Variants in ATAD2 observed in about 807,000 individuals in gnomAD.
ATAD2 encodes ATPase family AAA domain-containing protein 2.
In ATAD2, 62 loss-of-function variants were observed where a neutral mutation model predicts 168.9. The ratio of observed to expected loss-of-function variants is 0.37; its 90% confidence interval spans 0.30 to 0.45. The LOEUF (loss-of-function observed/expected upper bound fraction) is 0.45, where lower values mean the gene tolerates loss of function less well. Among genes scored for constraint, ATAD2 ranks in the 20% least tolerant of loss-of-function variants. The probability of loss-of-function intolerance (pLI) is 1.00; values close to 1 mark genes in which losing one functional copy is unlikely to be tolerated. For missense variants in ATAD2, 1,419 were observed against 1,667.8 expected (o/e 0.85, Z 2.60); for synonymous variants, 613 against 571.6 (o/e 1.07, Z -1.03).
chr8:123,328,649 C>T, intron 24 of ATAD2, 70 bp from the exon 25 acceptor site: 2 of 1,407,152 alleles, frequency 1.4e-6, no homozygotes, highest in Middle Eastern at 3.8e-4. Flanking sequence ...GAGTGAAAAA[C>T]CCTGATATAT....
chr8:123,389,960 T>TTATGTA (rs1554647644), intron 1 of ATAD2, among the ~76,000 whole-genome samples: 2 of 94,060 alleles, frequency 2.1e-5, no homozygotes, highest in Admixed American at 1.4e-4. Flanking sequence ...TACTATTATT[T>TTATGTA]TATATATATA....
rs1418323246 is a variant in ATAD2, at chr8:123,360,866, C to T, written c.1157+673G>A. Among the ~76,000 whole-genome samples, 3 of 149,118 alleles carry T rather than the reference C, an allele frequency of 2.0e-5. No homozygotes were observed. The East Asian group carries it at 5.9e-4, about 29-fold the overall frequency. ...GGTTAGTATACATGGACTTACACTA[C>T]AAGGAGTTATAAAATGAGTAAAGCC... On this transcript the variant is annotated intron_variant, in intron 9 of 27. Coordinates refer to ENST00000287394, the MANE Select transcript of ATAD2 (RefSeq NM_014109.4).
intron 8 of ATAD2, among the ~76,000 whole-genome samples, chr8:123,366,639 A>G (rs909000513): frequency 7.9e-5 from 12 of 152,210 alleles, no homozygotes; most frequent in African/African-American, 2.9e-4. Flanking sequence ...AAAACCAAAC[A>G]TCGTATGTTC....
At chr8:123,337,277 C>A (rs1488903198) in intron 21 of ATAD2, among the ~76,000 whole-genome samples, 1 of 151,712 alleles carries the variant, frequency 6.6e-6, no homozygotes, top group African/African-American at 2.4e-5. Flanking sequence ...GCAGGAGAAT[C>A]ACTTGAACCT....
intron 17 of ATAD2, 35 bp downstream of exon 17, chr8:123,346,583 C>T (rs776158542): frequency 4.1e-6 from 6 of 1,476,280 alleles, no homozygotes; most frequent in Non-Finnish European, 5.5e-6. Context: ...AAAATTTACA[C>T]ATGCAAAAAA....
chr8:123,415,810 G>A (rs1376333976), intron 1 of ATAD2, among the ~76,000 whole-genome samples: 2 of 152,090 alleles, frequency 1.3e-5, no homozygotes, highest in South Asian at 2.1e-4. Context: ...GGCCAGGCTC[G>A]TCTCGAACCC....
chr8:123,410,509 A>T (rs890299190), intron 1 of ATAD2, among the ~76,000 whole-genome samples: 19 of 150,500 alleles, frequency 1.3e-4, no homozygotes, highest in African/African-American at 4.6e-4. Context: ...CTGGTCTCAC[A>T]CTCCTGACGT....
chr8:123,377,851 T>C (rs1829367275), intron 2 of ATAD2, among the ~76,000 whole-genome samples: 1 of 152,216 alleles, frequency 6.6e-6, no homozygotes, highest in African/African-American at 2.4e-5. Flanking sequence ...TCTTATCTCA[T>C]TAATCTAAGA....
At chr8:123,329,090 C>T (rs1354545035) in intron 24 of ATAD2, among the ~76,000 whole-genome samples, 3 of 152,050 alleles carry the variant, frequency 2.0e-5, no homozygotes, top group African/African-American at 4.8e-5. Flanking sequence ...CGTGAGCCAC[C>T]GCACCCGGCC....
chr8:123,364,262 A>T (rs968899859), intron 8 of ATAD2, among the ~76,000 whole-genome samples: 1 of 152,162 alleles, frequency 6.6e-6, no homozygotes, highest in Non-Finnish European at 1.5e-5. Context: ...AAAGGCCGCT[A>T]ATAACTAGTA....
At chr8:123,343,328 AC>A (rs1563839969) in intron 19 of ATAD2, among the ~76,000 whole-genome samples, 2 of 152,092 alleles carry the variant, frequency 1.3e-5, no homozygotes, top group Admixed American at 6.5e-5. Flanking sequence ...ACTGTAACCT[AC>A]CCATACTCTT....
At chr8:123,394,990 AT>A (rs1163333769) in intron 1 of ATAD2, among the ~76,000 whole-genome samples, 1 of 152,210 alleles carries the variant, frequency 6.6e-6, no homozygotes, top group Admixed American at 6.5e-5. Flanking sequence ...CTGGCAACTA[AT>A]TTTATATAGT....
At chr8:123,334,630 TAAAAG>T (rs1430247772) in intron 22 of ATAD2, among the ~76,000 whole-genome samples, 1 of 150,090 alleles carries the variant, frequency 6.7e-6, no homozygotes, top group Non-Finnish European at 1.5e-5. Flanking sequence ...TAACGAAAAA[TAAAAG>T]AGAAGGCTAT....
At chr8:123,352,127 A>T (rs1478682378) in intron 13 of ATAD2, 1 of 152,286 alleles carries the variant, frequency 6.6e-6, no homozygotes, top group Admixed American at 6.5e-5. Flanking sequence ...GAGGAGGCTC[A>T]TTCTGCACTT....
chr8:123,380,198 C>T (rs1236834741), intron 2 of ATAD2, among the ~76,000 whole-genome samples: 1 of 152,006 alleles, frequency 6.6e-6, no homozygotes, highest in Non-Finnish European at 1.5e-5. Flanking sequence ...ATTACAGGCG[C>T]CCGCCACTAC....
chr8:123,411,813 T>C (rs1813163715), intron 1 of ATAD2, among the ~76,000 whole-genome samples: 1 of 151,812 alleles, frequency 6.6e-6, no homozygotes, highest in African/African-American at 2.4e-5. Flanking sequence ...CTGCTTATAA[T>C]AGAAAGTTTA....
At chr8:123,326,908 T>C (rs1827631862) in intron 25 of ATAD2, among the ~76,000 whole-genome samples, 1 of 152,118 alleles carries the variant, frequency 6.6e-6, no homozygotes, top group South Asian at 2.1e-4. Context: ...AAGAGACTTT[T>C]CTTTCTTTTT....
At chr8:123,390,898 C>T (rs948143726) in intron 1 of ATAD2, among the ~76,000 whole-genome samples, 4 of 151,958 alleles carry the variant, frequency 2.6e-5, no homozygotes, top group Non-Finnish European at 5.9e-5. Context: ...AATTGGAAGG[C>T]GCTTACAGCT....
At chr8:123,405,468 C>T (rs1249296760) in intron 1 of ATAD2, among the ~76,000 whole-genome samples, 3 of 151,156 alleles carry the variant, frequency 2.0e-5, no homozygotes, top group South Asian at 2.1e-4. Context: ...TTCACCATAT[C>T]GGCCAAGCTA....
Sources: gnomAD v4.1 joint callset for allele counts (sites outside exome capture counted in the v4.1 genomes callset) on GRCh38, gnomAD v4.1.1 for gene constraint, MANE v1.5 for transcripts, NCBI Gene and HGNC (gene_info 2026-07-23, HGNC 2026-07-21) for gene names.